Variants in SEPHS1 observed in about 807,000 individuals in gnomAD.
The protein encoded by SEPHS1 is zincore component SEPHS1.
A neutral mutation model predicts 39.2 loss-of-function variants in SEPHS1; 7 were observed. The observed-to-expected ratio is 0.18, with a 90% confidence interval of 0.10 to 0.34. SEPHS1 has a LOEUF of 0.34. Among genes scored for constraint, SEPHS1 ranks in the 10% least tolerant of loss-of-function variants. The pLI is 1.00. For synonymous variants in SEPHS1, 190 were observed against 195.5 expected, an observed-to-expected ratio of 0.97 and a Z score of 0.23; for missense variants, 253 against 514.5, an observed-to-expected ratio of 0.49 and a Z score of 4.92.
At chr10:13,327,759 C>T (rs1266053408) in intron 7 of SEPHS1, among the ~76,000 whole-genome samples, 7 of 152,064 alleles carry the variant, frequency 4.6e-5, no homozygotes, top group Non-Finnish European at 4.4e-5. Flanking sequence ...AACAGGAGAG[C>T]AGAGAAGCCA....
intron 2 of SEPHS1, chr10:13,340,670 T>C (rs1169633439): frequency 6.6e-6 from 1 of 152,258 alleles, no homozygotes; most frequent in African/African-American, 2.4e-5. Context: ...ATTTGAATAA[T>C]CTTAAATTTG....
chr10:13,330,127 T>A (rs1833421567), intron 5 of SEPHS1, among the ~76,000 whole-genome samples: 2 of 152,174 alleles, frequency 1.3e-5, no homozygotes, highest in Non-Finnish European at 2.9e-5. Flanking sequence ...ATACATATTT[T>A]TAAAAAGAAT....
chr10:13,327,062 A>AT (rs1303718369), intron 7 of SEPHS1, among the ~76,000 whole-genome samples: 1 of 151,898 alleles, frequency 6.6e-6, no homozygotes, highest in Non-Finnish European at 1.5e-5. Context: ...ACATAGTGAA[A>AT]CCCTGTCTCT....
At position 13,340,370 on chromosome 10, in the gene SEPHS1, T is replaced by A. The variant is rs78107347; in HGVS notation, c.194-1562A>T. On this transcript the variant is annotated intron_variant, in intron 2 of 8. Transcript: ENST00000327347. ...CAACAATGTCAGGCACTGGATCAGT[T>A]TTCATCTGTCAGAGGAGAACGTGTG... Among the ~76,000 whole-genome samples the A allele has an allele frequency of 8.4e-3, 1,278 of 152,126 alleles. 10 individuals are homozygous for A. The highest frequency in any genetic ancestry group is 0.02 in the Middle Eastern group (6 of 294).
intron 1 of SEPHS1, among the ~76,000 whole-genome samples, chr10:13,345,917 A>C (rs984459044): frequency 6.6e-6 from 1 of 152,234 alleles, no homozygotes; most frequent in East Asian, 1.9e-4. Context: ...CAAAACTAAT[A>C]GGAGTCCTCT....
At chr10:13,320,327 GC>G (rs1393467672) in intron 8 of SEPHS1, among the ~76,000 whole-genome samples, 1 of 151,570 alleles carries the variant, frequency 6.6e-6, no homozygotes, top group Non-Finnish European at 1.5e-5. Context: ...GACTACAGGC[GC>G]CCGCCACCAC....
chr10:13,346,246 G>A (rs1046178285), intron 1 of SEPHS1, among the ~76,000 whole-genome samples: 8 of 152,182 alleles, frequency 5.3e-5, no homozygotes, highest in African/African-American at 1.7e-4. Context: ...AACAACATGT[G>A]TTCCTCGAGT....
Position 13,345,040 on chromosome 10 carries a change from C to A in SEPHS1, c.-78-12G>T. ...CTTTATGGATCCACCTGGGTGTCAC[C>A]AAAACACAAAGATGCCATGAAAAGA... On this transcript the variant is annotated splice_polypyrimidine_tract_variant and intron_variant, in intron 1 of 8. Transcript: ENST00000327347. The A allele has an allele frequency of 8.7e-7, 1 of 1,144,758 alleles. No homozygotes were observed. The highest frequency in any genetic ancestry group is 1.2e-6 in the Non-Finnish European group (1 of 850,796). 70.9% of individuals were successfully genotyped at this position (1,144,758 alleles called of 1,614,324 possible).
At position 13,318,917 on chromosome 10, in the gene SEPHS1, T is replaced by C. The variant is rs1237591436; in HGVS notation, c.*225A>G. 4 of 537,840 alleles carry C rather than the reference T, an allele frequency of 7.4e-6. No individual in the cohort carries two copies. The highest frequency in any genetic ancestry group is 3.7e-5 in the Admixed American group (1 of 27,056). 33.3% of individuals were successfully genotyped at this position (537,840 alleles called of 1,614,324 possible). On this transcript the variant is annotated 3_prime_UTR_variant, in exon 9 of 9. Transcript: ENST00000327347. ...TCAACAGTATTGGATAACAATATAATTCTCAACTCAGAAGCTGCCTCAAGA... is the reference window on the plus strand; with the variant it reads ...TCAACAGTATTGGATAACAATATAACTCTCAACTCAGAAGCTGCCTCAAGA...
At chr10:13,328,907 G>C (rs532688753) in intron 6 of SEPHS1, among the ~76,000 whole-genome samples, 1 of 152,214 alleles carries the variant, frequency 6.6e-6, no homozygotes, top group Non-Finnish European at 1.5e-5. Context: ...AGGGGGAGGA[G>C]GGAAAAACTG....
At chr10:13,329,579 T>C in intron 6 of SEPHS1, 119 bp downstream of exon 6, 1 of 681,504 alleles carries the variant, frequency 1.5e-6, no homozygotes, top group Non-Finnish European at 2.6e-6. Flanking sequence ...TTTAAGGACT[T>C]GACTAATATT....
chr10:13,343,342 G>C (rs1833846774), intron 2 of SEPHS1, among the ~76,000 whole-genome samples: 1 of 152,080 alleles, frequency 6.6e-6, no homozygotes, highest in African/African-American at 2.4e-5. Context: ...TGGACGGCAG[G>C]AACTGTTTTC....
chr10:13,346,837 T>C (rs1011063089), intron 1 of SEPHS1, among the ~76,000 whole-genome samples: 1 of 152,180 alleles, frequency 6.6e-6, no homozygotes, highest in African/African-American at 2.4e-5. Flanking sequence ...GGCTATCACT[T>C]CCTTTTAAAT....
chr10:13,332,957 T>C (rs1365878243), intron 5 of SEPHS1, among the ~76,000 whole-genome samples: 4 of 151,778 alleles, frequency 2.6e-5, no homozygotes, highest in African/African-American at 9.7e-5. Flanking sequence ...AGTGACAAAA[T>C]CCAGGATGGA....
intron 6 of SEPHS1, among the ~76,000 whole-genome samples, chr10:13,329,344 C>G (rs1366925056): frequency 6.6e-6 from 1 of 152,118 alleles, no homozygotes; most frequent in Non-Finnish European, 1.5e-5. Flanking sequence ...TATTTATACC[C>G]CAAACACTAC....
chr10:13,320,397 G>A (rs1278881084), intron 8 of SEPHS1, among the ~76,000 whole-genome samples: 1 of 151,644 alleles, frequency 6.6e-6, no homozygotes, highest in South Asian at 2.1e-4. Flanking sequence ...TAGCCAGGAT[G>A]GTCTCGATCT....
intron 2 of SEPHS1, among the ~76,000 whole-genome samples, chr10:13,342,425 AC>A (rs1189855583): frequency 6.6e-6 from 1 of 151,838 alleles, no homozygotes; most frequent in Admixed American, 6.6e-5. Context: ...TACTAAAAAC[AC>A]AAAAAAATTT....
rs1241250166 is a variant in SEPHS1, at chr10:13,346,508, A to T, written c.-78-1480T>A. On this transcript the variant is annotated intron_variant, in intron 1 of 8. Transcript: ENST00000327347. ...GTGGGAAACGTAACAACTGAGCAGG[A>T]GTCAGCCTTCGAACACGATTCCAAG... 3.9e-5 allele frequency among the ~76,000 whole-genome samples: 6 copies of T among 152,230 alleles called. No individual in the cohort carries two copies. In the East Asian group the frequency reaches 1.2e-3, roughly 29 times the overall value.
intron 5 of SEPHS1, among the ~76,000 whole-genome samples, chr10:13,330,183 C>T (rs1345230039): frequency 1.3e-5 from 2 of 152,184 alleles, no homozygotes; most frequent in Non-Finnish European, 2.9e-5. Flanking sequence ...GATTTCCCCT[C>T]GACCACATAC....
Sources: gnomAD v4.1 joint callset for allele counts (sites outside exome capture counted in the v4.1 genomes callset) on GRCh38, gnomAD v4.1.1 for gene constraint, MANE v1.5 for transcripts, NCBI Gene and HGNC (gene_info 2026-07-23, HGNC 2026-07-21) for gene names.